Variants in LUC7L2 observed in about 807,000 individuals in gnomAD.
The protein encoded by LUC7L2 is putative RNA-binding protein Luc7-like 2.
In LUC7L2, 25 loss-of-function variants were observed where a neutral mutation model predicts 52.8. The ratio of observed to expected loss-of-function variants is 0.47; its 90% CI spans 0.34 to 0.66. The LOEUF is 0.66. Ranked by LOEUF, LUC7L2 falls within the 30% of genes least tolerant of loss-of-function variation. The probability of loss-of-function intolerance (pLI) is 0.01; values close to 1 mark genes in which losing one functional copy is unlikely to be tolerated. For synonymous variants in LUC7L2, 144 were observed against 160.9 expected, an observed-to-expected ratio of 0.89 and a Z score of 0.80; for missense variants, 328 against 497.8, an observed-to-expected ratio of 0.66 and a Z score of 3.25.
chr7:139,345,746 G>A (rs752435595), intron 1 of LUC7L2: 2 of 1,564,866 alleles, frequency 1.3e-6, no homozygotes, highest in East Asian at 2.3e-5. Context: ...TAGGAGAATT[G>A]AATAATTTCT....
At position 139,389,512 on chromosome 7, in the gene LUC7L2, A is replaced by G. The variant is rs192630538; in HGVS notation, c.157-9087A>G. On this transcript the variant is annotated intron_variant, in intron 2 of 9. Coordinates refer to ENST00000354926, the MANE Select transcript of LUC7L2 (RefSeq NM_016019.5). ...GCATGTGCTCTGGCTCTTTCCCTCT[A>G]TTATTTGTCTTCTGTGTAAATTATC... 4.4e-4 allele frequency among the ~76,000 whole-genome samples: 67 copies of G among 152,076 alleles called. No homozygotes were observed. In the East Asian group the frequency reaches 0.012, roughly 26 times the overall value.
chr7:139,401,115 A>G (rs1377116783), intron 3 of LUC7L2, among the ~76,000 whole-genome samples: 1 of 152,198 alleles, frequency 6.6e-6, no homozygotes, highest in African/African-American at 2.4e-5. Context: ...CAAATGTCTT[A>G]TATAAATATT....
At chr7:139,342,396 A>C (rs1400217896) in intron 1 of LUC7L2, among the ~76,000 whole-genome samples, 1 of 152,180 alleles carries the variant, frequency 6.6e-6, no homozygotes, top group Non-Finnish European at 1.5e-5. Flanking sequence ...TAAAAGCTAC[A>C]CAATTGAAAG....
Position 139,360,100 on chromosome 7 carries a change from G to C in LUC7L2, c.-162G>C, listed in dbSNP as rs1013292786. On this transcript the variant is annotated 5_prime_UTR_variant, in exon 1 of 10. Transcript: ENST00000354926. ...ACGTCGTCGTGAGGAGCGCAGTCCGGACTCTTCCCGCAACCCCTCCGGCTC... is the reference window on the plus strand; with the variant it reads ...ACGTCGTCGTGAGGAGCGCAGTCCGCACTCTTCCCGCAACCCCTCCGGCTC... 1 of 581,844 alleles carries C rather than the reference G, an allele frequency of 1.7e-6. No individual in the cohort carries two copies. Among genetic ancestry groups the C allele is most frequent in the Non-Finnish European group, 3.0e-6 (1 of 330,402 alleles). The allele number at this position is 581,844 out of a possible 1,614,324, so 36.0% of individuals were successfully genotyped here. A position where few individuals can be genotyped will look rare whatever the true frequency, so the allele number is the denominator to read the frequency against.
At chr7:139,419,242 T>A (rs1364270889) in intron 9 of LUC7L2, among the ~76,000 whole-genome samples, 1 of 152,130 alleles carries the variant, frequency 6.6e-6, no homozygotes, top group Non-Finnish European at 1.5e-5. Context: ...AAACTGCATA[T>A]CATAGAATAA....
At chr7:139,355,488 C>T (rs1445840902), upstream of LUC7L2, among the ~76,000 whole-genome samples, 1 of 152,064 alleles carries the variant, frequency 6.6e-6, no homozygotes, top group African/African-American at 2.4e-5. Context: ...TCAGATTACA[C>T]AACAATTGTT....
chr7:139,341,184 T>C, intron 1 of LUC7L2: 1 of 863,190 alleles, frequency 1.2e-6, no homozygotes, highest in Non-Finnish European at 1.6e-6. Context: ...ACAGTCGGGT[T>C]TCGTTTGATT....
chr7:139,380,866 C>G (rs1453565164), intron 2 of LUC7L2, among the ~76,000 whole-genome samples: 1 of 152,030 alleles, frequency 6.6e-6, no homozygotes, highest in Non-Finnish European at 1.5e-5. Context: ...CCATCTAGTT[C>G]CTAGTGATCG....
chr7:139,398,241 G>T (rs7779900), intron 2 of LUC7L2, among the ~76,000 whole-genome samples: 58,368 of 152,094 alleles, frequency 0.38, 15,612 homozygotes, highest in African/African-American at 0.76. Context: ...ACAATTTGAT[G>T]TATATATTCT....
intron 1 of LUC7L2, 29 bp downstream of exon 1, chr7:139,360,351 G>A: frequency 6.5e-7 from 1 of 1,548,048 alleles, no homozygotes; most frequent in Non-Finnish European, 8.7e-7. Context: ...CCTGGGGGTG[G>A]GGGAGGGGAC....
At chr7:139,400,273 G>A (rs7799201) in intron 3 of LUC7L2, among the ~76,000 whole-genome samples, 58,300 of 151,952 alleles carry the variant, frequency 0.38, 15,593 homozygotes, top group African/African-American at 0.76. Flanking sequence ...TTGGGAGGCC[G>A]AGGCAGGGGT....
intron 8 of LUC7L2, chr7:139,417,316 C>T (rs756908987): frequency 8.6e-5 from 44 of 511,830 alleles, no homozygotes; most frequent in Non-Finnish European, 6.0e-5. Flanking sequence ...GTTGGGATTA[C>T]AGGTGTGAGC....
At chr7:139,374,276 C>A in intron 1 of LUC7L2, 1 of 697,168 alleles carries the variant, frequency 1.4e-6, no homozygotes, top group Non-Finnish European at 2.4e-6. Context: ...TGATTTTGTT[C>A]ACTTTTGTTT....
chr7:139,348,355 G>T (rs530731117), intron 1 of LUC7L2, among the ~76,000 whole-genome samples: 1 of 151,828 alleles, frequency 6.6e-6, no homozygotes, highest in South Asian at 2.1e-4. Context: ...TTCAAGAAGA[G>T]ATTTGAGGCA....
intron 9 of LUC7L2, among the ~76,000 whole-genome samples, chr7:139,420,088 A>G (rs572994969): frequency 5.3e-5 from 8 of 152,324 alleles, no homozygotes; most frequent in African/African-American, 1.7e-4. Flanking sequence ...CTTCCTGGCA[A>G]TAGTGCCCTG....
At chr7:139,383,445 C>T (rs1390802369) in intron 2 of LUC7L2, among the ~76,000 whole-genome samples, 1 of 151,328 alleles carries the variant, frequency 6.6e-6, no homozygotes, top group Non-Finnish European at 1.5e-5. Context: ...GAGTTTTGCT[C>T]TTGTTGCCCA....
intron 2 of LUC7L2, among the ~76,000 whole-genome samples, chr7:139,391,783 C>T (rs1370727167): frequency 5.3e-5 from 8 of 152,220 alleles, no homozygotes; most frequent in Non-Finnish European, 1.2e-4. Context: ...GACGGGGTTT[C>T]ACCATGTTTG....
At chr7:139,381,390 T>C (rs1454591060) in intron 2 of LUC7L2, among the ~76,000 whole-genome samples, 2 of 105,608 alleles carry the variant, frequency 1.9e-5, no homozygotes, top group Non-Finnish European at 4.4e-5. Context: ...ATTTTATTTT[T>C]TATTTTATTT....
chr7:139,367,270 C>G (rs190769130), intron 1 of LUC7L2, among the ~76,000 whole-genome samples: 2 of 152,206 alleles, frequency 1.3e-5, no homozygotes, highest in Admixed American at 6.5e-5. Flanking sequence ...CCATGCCTGG[C>G]CTTGCCTTTA....
Sources: allele counts gnomAD v4.1 joint callset (sites outside exome capture counted in the v4.1 genomes callset), GRCh38; gene constraint gnomAD v4.1.1; transcripts MANE v1.5; gene names NCBI Gene and HGNC (gene_info 2026-07-23, HGNC 2026-07-21).